DCLK1: variants seen among roughly 807,000 people sequenced by gnomAD.
The protein encoded by DCLK1 is serine/threonine-protein kinase DCLK1.
Under a neutral mutation model 86.2 loss-of-function variants are expected in DCLK1, and 16 were observed. The ratio of observed to expected loss-of-function variants is 0.19; its 90% CI spans 0.13 to 0.28. The LOEUF (loss-of-function observed/expected upper bound fraction) is 0.28. Ranked by LOEUF, DCLK1 falls within the 10% of genes least tolerant of loss-of-function variation. The probability of loss-of-function intolerance (pLI) is 1.00; values close to 1 mark genes in which losing one functional copy is unlikely to be tolerated. For missense variants in DCLK1, 590 were observed against 940.2 expected, an observed-to-expected ratio of 0.63 and a Z score of 4.87; for synonymous variants, 369 against 370.5, an observed-to-expected ratio of 1.00 and a Z score of 0.05.
chr13:36,032,513 C>T (rs553480586), intron 3 of DCLK1, among the ~76,000 whole-genome samples: 13 of 152,296 alleles, frequency 8.5e-5, no homozygotes, highest in Admixed American at 7.2e-4. Flanking sequence ...AGATTCATGC[C>T]ATGCCATTCG....
intron 6 of DCLK1, among the ~76,000 whole-genome samples, chr13:35,844,608 G>A (rs1870043737): frequency 6.6e-6 from 1 of 152,140 alleles, no homozygotes; most frequent in Non-Finnish European, 1.5e-5. Flanking sequence ...ATTTCCTCTG[G>A]ATAGAATAAT....
At chr13:35,788,323 A>G (rs528266914) in intron 16 of DCLK1, 53 of 1,591,356 alleles carry the variant, frequency 3.3e-5, no homozygotes, top group Non-Finnish European at 4.5e-5. Flanking sequence ...GTGGATCAGC[A>G]TTGTGCTAAA....
intron 5 of DCLK1, among the ~76,000 whole-genome samples, chr13:35,866,100 A>C (rs866823550): frequency 1.3e-5 from 2 of 152,144 alleles, no homozygotes; most frequent in Non-Finnish European, 2.9e-5. Flanking sequence ...TGCCATTCTG[A>C]ACTCTGGGAC....
intron 3 of DCLK1, among the ~76,000 whole-genome samples, chr13:35,955,758 G>T (rs576369321): frequency 6.6e-6 from 1 of 152,256 alleles, no homozygotes; most frequent in African/African-American, 2.4e-5. Context: ...CAGGTTCGAT[G>T]AGATAATGTA....
At chr13:35,846,198 A>G in intron 6 of DCLK1, 1 of 985,384 alleles carries the variant, frequency 1.0e-6, no homozygotes, top group Non-Finnish European at 1.2e-6. Context: ...AATCAACTGA[A>G]ACTGTGAGCA....
At chr13:36,034,794 G>A (rs1174598814) in intron 3 of DCLK1, among the ~76,000 whole-genome samples, 2 of 152,076 alleles carry the variant, frequency 1.3e-5, no homozygotes, top group Non-Finnish European at 1.5e-5. Flanking sequence ...ACCAGCTCAC[G>A]AAATTTCTAT....
At chr13:35,874,217 CTT>C (rs1051546994) in intron 4 of DCLK1, among the ~76,000 whole-genome samples, 13 of 152,068 alleles carry the variant, frequency 8.5e-5, no homozygotes, top group African/African-American at 3.1e-4. Context: ...GTTTCTCTCT[CTT>C]ATATATTCTG....
chr13:36,082,514 C>T (rs1208873501), intron 3 of DCLK1, among the ~76,000 whole-genome samples: 1 of 152,086 alleles, frequency 6.6e-6, no homozygotes, highest in Non-Finnish European at 1.5e-5. Flanking sequence ...CCATGTTGTT[C>T]AAGGGTGAAC....
intron 3 of DCLK1, among the ~76,000 whole-genome samples, chr13:36,110,153 A>T (rs1269666918): frequency 6.6e-6 from 1 of 152,212 alleles, no homozygotes; most frequent in Non-Finnish European, 1.5e-5. Flanking sequence ...AGAAAATTCA[A>T]TATATGAAAA....
chr13:35,859,380 T>C (rs1442887283), intron 5 of DCLK1, among the ~76,000 whole-genome samples: 2 of 151,110 alleles, frequency 1.3e-5, no homozygotes, highest in South Asian at 2.1e-4. Context: ...GCTGTGCTTG[T>C]TACCCTTGAA....
upstream of DCLK1, among the ~76,000 whole-genome samples, chr13:36,131,749 A>T (rs558492936): frequency 1.3e-5 from 2 of 152,312 alleles, no homozygotes; most frequent in Non-Finnish European, 2.9e-5. Flanking sequence ...GGGGGAGGGA[A>T]GGAGGTACCC....
chr13:35,810,061 G>T (rs573444794), intron 12 of DCLK1, among the ~76,000 whole-genome samples: 1 of 152,158 alleles, frequency 6.6e-6, no homozygotes, highest in East Asian at 1.9e-4. Context: ...CTCAGAGCCT[G>T]CCTATGGCCC....
chr13:36,121,182 A>C (rs1180446375), intron 2 of DCLK1, among the ~76,000 whole-genome samples: 1 of 152,264 alleles, frequency 6.6e-6, no homozygotes. Context: ...TGAAGTCAGT[A>C]AAAGAACACA....
chr13:36,109,570 G>C (rs1885536451), intron 3 of DCLK1, among the ~76,000 whole-genome samples: 1 of 152,174 alleles, frequency 6.6e-6, no homozygotes, highest in Non-Finnish European at 1.5e-5. Context: ...AAAGCACTTT[G>C]AACAATGCTC....
chr13:35,858,469 A>G (rs1871203272), intron 5 of DCLK1, among the ~76,000 whole-genome samples: 1 of 152,182 alleles, frequency 6.6e-6, no homozygotes, highest in African/African-American at 2.4e-5. Flanking sequence ...CAGCTGGAAG[A>G]TGGCAGAGTT....
Position 36,125,858 on chromosome 13 carries a change from T to C in DCLK1, c.280A>G (p.Thr94Ala). The change falls in exon 2 of 17, where the codon ACT (threonine) becomes GCT (alanine). Residue 94 changes from threonine (T) to alanine (A), a missense_variant. By Grantham distance (58) the Thr-to-Ala change is moderately conservative. Transcript: ENST00000360631. ...FEALLADLTR[T>A]LSDNVNLPQG... ...GGCAAATTCACGTTATCCGACAGAG[T>C]TCGGGTCAAATCAGCCAGCAGGGCC... is the stretch of plus-strand genomic sequence containing the variant. 1 of 1,614,100 alleles carries C rather than the reference T, an allele frequency of 6.2e-7. No homozygotes were observed. Among genetic ancestry groups the C allele is most frequent in the South Asian group, 1.1e-5 (1 of 91,066 alleles).
chr13:35,872,349 T>C (rs143771796), intron 4 of DCLK1, among the ~76,000 whole-genome samples: 1 of 152,362 alleles, frequency 6.6e-6, no homozygotes, highest in East Asian at 1.9e-4. Context: ...TGTTCATATG[T>C]GTTGATCTGT....
At chr13:36,025,290 A>T (rs771314761) in intron 3 of DCLK1, among the ~76,000 whole-genome samples, 1 of 152,156 alleles carries the variant, frequency 6.6e-6, no homozygotes. Flanking sequence ...TTCTATAAGG[A>T]TGCCAAGGTA....
At chr13:35,920,968 G>A (rs1414670164) in intron 4 of DCLK1, among the ~76,000 whole-genome samples, 2 of 152,000 alleles carry the variant, frequency 1.3e-5, no homozygotes, top group African/African-American at 2.4e-5. Flanking sequence ...TCTGTCCACT[G>A]CTCCCTGCCC....
Sources: allele counts gnomAD v4.1 joint callset (sites outside exome capture counted in the v4.1 genomes callset), GRCh38; gene constraint gnomAD v4.1.1; transcripts MANE v1.5; gene names NCBI Gene and HGNC (gene_info 2026-07-23, HGNC 2026-07-21).